Variants in HYDIN observed in about 807,000 individuals in gnomAD.
HYDIN encodes the protein HYDIN axonemal central pair apparatus protein.
In HYDIN, 132 loss-of-function variants were observed where a neutral mutation model predicts 403.9. The ratio of observed to expected loss-of-function variants is 0.33; its 90% confidence interval spans 0.28 to 0.38. HYDIN has a LOEUF of 0.38. HYDIN is among the 10% of genes least tolerant of loss of function. The probability of loss-of-function intolerance (pLI) is 1.00; values close to 1 mark genes in which losing one functional copy is unlikely to be tolerated. For synonymous variants in HYDIN, 1,202 were observed against 1,891.7 expected (o/e 0.64, Z 9.46); for missense variants, 2,827 against 5,009.5 (o/e 0.56, Z 13.15).
chr16:70,916,718 C>G (rs1483407319), intron 47 of HYDIN, among the ~76,000 whole-genome samples: 1 of 152,220 alleles, frequency 6.6e-6, no homozygotes, highest in Non-Finnish European at 1.5e-5. Flanking sequence ...CTCCTGCCCC[C>G]TCTCCCAATC....
intron 3 of HYDIN, among the ~76,000 whole-genome samples, chr16:71,182,352 G>A (rs566348872): frequency 1.3e-5 from 2 of 152,222 alleles, no homozygotes; most frequent in African/African-American, 2.4e-5. Context: ...GGGGGAGAAC[G>A]AGATGGAAGC....
At chr16:70,813,571 C>T (rs1391935024) in intron 84 of HYDIN, among the ~76,000 whole-genome samples, 1 of 152,048 alleles carries the variant, frequency 6.6e-6, no homozygotes, top group Non-Finnish European at 1.5e-5. Flanking sequence ...ACTGCGCAGA[C>T]AGTAAATGTC....
intron 7 of HYDIN, among the ~76,000 whole-genome samples, chr16:71,149,501 C>T (rs2085450453): frequency 6.6e-6 from 1 of 151,818 alleles, no homozygotes; most frequent in South Asian, 2.1e-4. Context: ...ACGATGTGTA[C>T]AAGAATGGTT....
chr16:70,895,977 A>G lies in HYDIN; in HGVS notation c.9148+4T>C. On this transcript the variant is annotated splice_donor_region_variant and intron_variant, in intron 54 of 85. Coordinates refer to ENST00000393567, the MANE Select transcript of HYDIN (RefSeq NM_001270974.2). ...ACATCCTGTCCTTGAAGGGCCCAAC[A>G]GACCTTTGGGGAAGGTGATGTCCAA... 6.2e-7 allele frequency: 1 copy of G among 1,604,314 alleles called. No individual in the cohort carries two copies. Among genetic ancestry groups the G allele is most frequent in the Non-Finnish European group, 8.5e-7 (1 of 1,176,158 alleles).
In HYDIN at chr16:70,857,614, G is replaced by C. The variant is rs1363722249; in HGVS notation, c.12295+91C>G. The C allele has an allele frequency of 4.8e-6, 6 of 1,244,898 alleles. No individual in the cohort carries two copies. The Admixed American group carries it at 1.1e-4, about 22-fold the overall frequency. The allele number at this position is 1,244,898 out of a possible 1,614,324, so 77.1% of individuals were successfully genotyped here. A position where few individuals can be genotyped will look rare whatever the true frequency, so the allele number is the denominator to read the frequency against. On this transcript the variant is annotated intron_variant, in intron 72 of 85. Transcript: ENST00000393567. ...GATATGCTTCTGGAAGGGACCAGGA[G>C]AGGTTTCTTATGCAAGGCTGCTCCC...
chr16:70,973,445 T>C lies in HYDIN; in HGVS notation c.5277A>G (p.Glu1759=). 1 of 539,542 alleles carries C rather than the reference T, an allele frequency of 1.9e-6. No homozygotes were observed. The highest frequency in any genetic ancestry group is 3.5e-5 in the Admixed American group (1 of 28,616). The allele number at this position is 539,542 out of a possible 1,614,324, so 33.4% of individuals were successfully genotyped here. A position where few individuals can be genotyped will look rare whatever the true frequency, so the allele number is the denominator to read the frequency against. The change falls in exon 35 of 86, where the codon GAA becomes GAG. Residue 1759 remains glutamate (E), a synonymous_variant. Coordinates refer to ENST00000393567, the MANE Select transcript of HYDIN (RefSeq NM_001270974.2). ...PKYLRQKLRA[E]LKPKTRIFEI... is the part of the protein sequence containing the mutation. ...CGAAGATCCGTGTCTTTGGCTTTAA[T>C]TCAGCGCGTAGTTTCTGTCTTAAGT...
In HYDIN at chr16:70,899,548, C is replaced by T. The variant is rs534644565; in HGVS notation, c.9048+1456G>A. On this transcript the variant is annotated intron_variant, in intron 53 of 85. Transcript: ENST00000393567. ...ACCTTGATTTTGGACATCTCGCCTC[C>T]AGAACGGTGAGAGAGGAATGTCTGT... Among the ~76,000 whole-genome samples the T allele has an allele frequency of 5.9e-5, 9 of 151,746 alleles. No homozygotes were observed. The South Asian group carries it at 1.5e-3, about 25-fold the overall frequency.
intron 5 of HYDIN, among the ~76,000 whole-genome samples, chr16:71,168,179 C>T (rs113645620): frequency 0.047 from 6,986 of 148,670 alleles, 236 homozygotes; most frequent in Middle Eastern, 0.096. Context: ...ATTAGTTGGG[C>T]GTGGTGGCAG....
At chr16:70,990,717 G>A (rs1456923049) in intron 25 of HYDIN, among the ~76,000 whole-genome samples, 1 of 152,168 alleles carries the variant, frequency 6.6e-6, no homozygotes, top group Non-Finnish European at 1.5e-5. Flanking sequence ...TACAAGGATG[G>A]TTACATGCTT....
chr16:70,902,821 A>ATATATATATATTTTTT, intron 52 of HYDIN, among the ~76,000 whole-genome samples: 1 of 47,314 alleles, frequency 2.1e-5, no homozygotes, highest in African/African-American at 1.2e-4. Context: ...ATATATATAT[A>ATATATATATATTTTTT]TTTTTTTTTT....
At chr16:70,830,068 C>T (rs1394941876) in intron 80 of HYDIN, among the ~76,000 whole-genome samples, 1 of 152,168 alleles carries the variant, frequency 6.6e-6, no homozygotes, top group African/African-American at 2.4e-5. Context: ...ACAAAAATCT[C>T]TGCCCTTGAG....
intron 1 of HYDIN, among the ~76,000 whole-genome samples, chr16:71,205,595 G>C (rs1383310286): frequency 6.6e-6 from 1 of 152,214 alleles, no homozygotes. Context: ...GTAGTTCCGA[G>C]GAGCACCAAC....
chr16:71,198,563 C>G (rs537937862), intron 1 of HYDIN, among the ~76,000 whole-genome samples: 10 of 152,164 alleles, frequency 6.6e-5, no homozygotes, highest in African/African-American at 2.4e-4. Context: ...ACTAGCCCCC[C>G]GCCAGAACAG....
intron 1 of HYDIN, among the ~76,000 whole-genome samples, chr16:71,197,678 C>G (rs2087770539): frequency 6.6e-6 from 1 of 152,156 alleles, no homozygotes; most frequent in African/African-American, 2.4e-5. Flanking sequence ...CCCGTAGACG[C>G]TCTCTCCCCA....
At chr16:71,067,254 G>A (rs368137888) in intron 15 of HYDIN, 36 bp downstream of exon 15, 66 of 1,365,142 alleles carry the variant, frequency 4.8e-5, no homozygotes, top group Non-Finnish European at 6.6e-5. Context: ...GAGGCTCGGG[G>A]GCGACTCAGG....
intron 62 of HYDIN, among the ~76,000 whole-genome samples, chr16:70,876,240 CA>C (rs1299527907): frequency 1.5e-4 from 22 of 147,508 alleles, no homozygotes; most frequent in Admixed American, 3.4e-4. Context: ...GGCCGGAGCG[CA>C]GTGGTGAAAT....
chr16:70,808,852 C>T (rs1377164658), intron 85 of HYDIN, among the ~76,000 whole-genome samples: 1 of 152,114 alleles, frequency 6.6e-6, no homozygotes, highest in African/African-American at 2.4e-5. Flanking sequence ...ACAACTGTCC[C>T]CTCTTCCCTT....
Position 71,129,666 on chromosome 16 carries a change from T to C in HYDIN, c.1201A>G (p.Asn401Asp). The change falls in exon 9 of 86, where the codon AAT becomes GAT. Residue 401 changes from asparagine to aspartate, a missense_variant. By Grantham distance (23) the Asn-to-Asp change is conservative. Transcript: ENST00000393567. ...AGGGGCTCCACAGTGAAAACGTTATTGAAGAACAGCTTGCTGTCTCCCTGC... is the reference window on the plus strand; with the variant it reads ...AGGGGCTCCACAGTGAAAACGTTATCGAAGAACAGCTTGCTGTCTCCCTGC... ...LVQGDSKLFF[N>D]NVFTVEPLEG... The C allele has an allele frequency of 6.2e-7, 1 of 1,614,148 alleles. No individual in the cohort carries two copies. The highest frequency in any genetic ancestry group is 8.5e-7 in the Non-Finnish European group (1 of 1,180,010).
At chr16:71,213,523 T>C (rs972821404) in intron 1 of HYDIN, among the ~76,000 whole-genome samples, 4 of 152,008 alleles carry the variant, frequency 2.6e-5, no homozygotes, top group African/African-American at 9.7e-5. Flanking sequence ...ATTAATAGAA[T>C]GAGAGTGACA....
Sources: allele counts gnomAD v4.1 joint callset (sites outside exome capture counted in the v4.1 genomes callset), GRCh38; gene constraint gnomAD v4.1.1; transcripts MANE v1.5; gene names NCBI Gene and HGNC (gene_info 2026-07-23, HGNC 2026-07-21).